The following LRRTM4 variants were observed in gnomAD, a reference collection of about 807,000 sequenced individuals.
LRRTM4 encodes leucine rich repeat transmembrane neuronal 4, also known as leucine-rich repeat transmembrane neuronal protein 4.
LRRTM4 carries 25 observed loss-of-function variants against 47.6 expected under a neutral mutation model. That is an observed-to-expected ratio of 0.53 (90% confidence interval 0.38 to 0.73). LRRTM4 has a LOEUF of 0.73. Ranked by LOEUF, LRRTM4 falls within the 30% of genes least tolerant of loss-of-function variation. The probability of loss-of-function intolerance (pLI) is 0.00; values close to 1 mark genes in which losing one functional copy is unlikely to be tolerated. For missense variants in LRRTM4, 638 were observed against 713.4 expected, an observed-to-expected ratio of 0.89 and a Z score of 1.20; for synonymous variants, 311 against 269.5, an observed-to-expected ratio of 1.15 and a Z score of -1.51.
At chr2:77,403,636 C>T (rs896051014) in intron 3 of LRRTM4, among the ~76,000 whole-genome samples, 3 of 151,724 alleles carry the variant, frequency 2.0e-5, no homozygotes, top group African/African-American at 7.3e-5. Context: ...AGCATTGGGG[C>T]TGTGATGTGG....
At chr2:76,814,307 C>T (rs897640742) in intron 3 of LRRTM4, among the ~76,000 whole-genome samples, 53 of 151,930 alleles carry the variant, frequency 3.5e-4, no homozygotes, top group African/African-American at 1.3e-3. Context: ...AGTGTTACAA[C>T]AAGAGAGTTA....
intron 3 of LRRTM4, among the ~76,000 whole-genome samples, chr2:77,451,282 T>C (rs1304263974): frequency 1.3e-5 from 2 of 152,188 alleles, no homozygotes; most frequent in Non-Finnish European, 2.9e-5. Flanking sequence ...AAAAATTGCA[T>C]GTTATATATT....
At chr2:77,410,753 T>C (rs1674387403) in intron 3 of LRRTM4, among the ~76,000 whole-genome samples, 1 of 152,022 alleles carries the variant, frequency 6.6e-6, no homozygotes, top group South Asian at 2.1e-4. Context: ...GAAGGGAGGG[T>C]TATTAAAATC....
chr2:77,209,260 G>C (rs1184860067), intron 3 of LRRTM4, among the ~76,000 whole-genome samples: 11 of 152,068 alleles, frequency 7.2e-5, no homozygotes, highest in Admixed American at 7.2e-4. Context: ...ACTAATGCTA[G>C]GGCTCCATGC....
chr2:77,280,750 G>A (rs970089110), intron 3 of LRRTM4, among the ~76,000 whole-genome samples: 2 of 151,992 alleles, frequency 1.3e-5, no homozygotes, highest in African/African-American at 2.4e-5. Context: ...GAGCATACAT[G>A]TAAAGCATAT....
At chr2:77,327,071 A>C (rs1670803607) in intron 3 of LRRTM4, among the ~76,000 whole-genome samples, 1 of 152,208 alleles carries the variant, frequency 6.6e-6, no homozygotes, top group Non-Finnish European at 1.5e-5. Context: ...TGATGGATAC[A>C]GTAAAGGAGC....
intron 3 of LRRTM4, among the ~76,000 whole-genome samples, chr2:77,487,565 C>A (rs766822269): frequency 6.6e-6 from 1 of 152,114 alleles, no homozygotes; most frequent in Non-Finnish European, 1.5e-5. Context: ...CATGAAGAGC[C>A]TGGGTGCCAT....
intron 3 of LRRTM4, among the ~76,000 whole-genome samples, chr2:77,069,347 T>A (rs2103822267): frequency 6.6e-6 from 1 of 152,066 alleles, no homozygotes; most frequent in Admixed American, 6.6e-5. Flanking sequence ...TTTTTTAGAT[T>A]TTCTTGGATA....
chr2:77,214,513 C>T (rs1168765415), intron 3 of LRRTM4, among the ~76,000 whole-genome samples: 1 of 151,972 alleles, frequency 6.6e-6, no homozygotes, highest in Non-Finnish European at 1.5e-5. Context: ...TAACTGAGGC[C>T]TCCTTAAATA....
intron 3 of LRRTM4, among the ~76,000 whole-genome samples, chr2:77,381,625 G>C (rs942469485): frequency 5.3e-5 from 8 of 151,836 alleles, no homozygotes; most frequent in African/African-American, 1.9e-4. Context: ...ATTTTAAAAA[G>C]TATTAATACC....
At chr2:77,354,635 C>A (rs1057366302) in intron 3 of LRRTM4, among the ~76,000 whole-genome samples, 3 of 152,072 alleles carry the variant, frequency 2.0e-5, no homozygotes, top group African/African-American at 7.2e-5. Flanking sequence ...AGACAGCACT[C>A]GTGATTTCAG....
intron 3 of LRRTM4, among the ~76,000 whole-genome samples, chr2:76,779,068 G>A (rs1051951792): frequency 6.9e-5 from 10 of 144,188 alleles, no homozygotes; most frequent in African/African-American, 2.6e-4. Flanking sequence ...TAGTTGAGTG[G>A]TTTTGAGTGA....
chr2:77,223,526 T>C (rs1674707987), intron 3 of LRRTM4, among the ~76,000 whole-genome samples: 1 of 152,118 alleles, frequency 6.6e-6, no homozygotes, highest in Non-Finnish European at 1.5e-5. Context: ...GGATACAAAA[T>C]CAATGTGCAA....
chr2:76,750,129 C>T (rs924001949), intron 3 of LRRTM4, among the ~76,000 whole-genome samples: 2 of 152,174 alleles, frequency 1.3e-5, no homozygotes, highest in African/African-American at 4.8e-5. Context: ...TTGTTTCTTC[C>T]TCCTCCAGGA....
chr2:77,083,783 CTTTTTTTTTTTTTTTTTTTTTTT>C (rs386390525), intron 3 of LRRTM4, among the ~76,000 whole-genome samples: 25 of 52,402 alleles, frequency 4.8e-4, no homozygotes, highest in East Asian at 9.4e-4. Context: ...ACTGGACACA[CTTTTTTTTTTTTTTTTTTTTTTT>C]TTTTTTTTTT....
At chr2:77,215,409 T>C (rs977201043) in intron 3 of LRRTM4, among the ~76,000 whole-genome samples, 5 of 152,202 alleles carry the variant, frequency 3.3e-5, no homozygotes, top group African/African-American at 7.2e-5. Flanking sequence ...TGTGGTACAA[T>C]TGGACACTTG....
intron 3 of LRRTM4, among the ~76,000 whole-genome samples, chr2:77,474,315 GC>G (rs1352697558): frequency 1.3e-5 from 2 of 151,992 alleles, no homozygotes; most frequent in Non-Finnish European, 2.9e-5. Flanking sequence ...TCTGTCTGGG[GC>G]TGTCACTATT....
chr2:77,195,329 G>T (rs1360542310), intron 3 of LRRTM4, among the ~76,000 whole-genome samples: 1 of 151,692 alleles, frequency 6.6e-6, no homozygotes, highest in Non-Finnish European at 1.5e-5. Flanking sequence ...TTTTTCTTTG[G>T]CACTGTTTCA....
chr2:77,400,208 G>A (rs554052983), intron 3 of LRRTM4, among the ~76,000 whole-genome samples: 2 of 151,528 alleles, frequency 1.3e-5, no homozygotes, highest in South Asian at 2.1e-4. Context: ...ACATGATACC[G>A]TATTCTTTTT....
Sources: gnomAD v4.1 joint callset for allele counts (sites outside exome capture counted in the v4.1 genomes callset) on GRCh38, gnomAD v4.1.1 for gene constraint, MANE v1.5 for transcripts, NCBI Gene and HGNC (gene_info 2026-07-23, HGNC 2026-07-21) for gene names.